The following TAFA1 variants were observed in gnomAD, a reference collection of about 807,000 sequenced individuals.
TAFA1 encodes chemokine-like protein TAFA-1.
A neutral mutation model predicts 18.5 loss-of-function variants in TAFA1; 4 were observed. That is an observed-to-expected ratio of 0.22 (90% CI 0.11 to 0.49). TAFA1 has a LOEUF of 0.49. Ranked by LOEUF, TAFA1 falls within the 20% of genes least tolerant of loss-of-function variation. The pLI is 0.98. For missense variants in TAFA1, 147 were observed against 169.0 expected, an observed-to-expected ratio of 0.87 and a Z score of 0.72; for synonymous variants, 56 against 55.2, an observed-to-expected ratio of 1.01 and a Z score of -0.06.
At chr3:68,467,776 A>G (rs1449611732) in intron 3 of TAFA1, among the ~76,000 whole-genome samples, 1 of 152,196 alleles carries the variant, frequency 6.6e-6, no homozygotes, top group African/African-American at 2.4e-5. Context: ...TTTCAAGGGC[A>G]GGGGGTTCTG....
At chr3:68,016,577 C>T (rs1011110445) in intron 2 of TAFA1, among the ~76,000 whole-genome samples, 3 of 152,148 alleles carry the variant, frequency 2.0e-5, no homozygotes, top group Non-Finnish European at 2.9e-5. Context: ...TAATCTATAT[C>T]ATATAGCCTA....
intron 2 of TAFA1, among the ~76,000 whole-genome samples, chr3:68,035,028 G>T (rs2106661906): frequency 6.6e-6 from 1 of 152,258 alleles, no homozygotes; most frequent in South Asian, 2.1e-4. Flanking sequence ...AGATAGGGCT[G>T]CTCATCCAGT....
intron 3 of TAFA1, among the ~76,000 whole-genome samples, chr3:68,466,017 T>C (rs2071879161): frequency 6.6e-6 from 1 of 152,152 alleles, no homozygotes; most frequent in Non-Finnish European, 1.5e-5. Flanking sequence ...ATTGTTATGG[T>C]AGATGTTATC....
chr3:68,329,966 A>G (rs1002643642), intron 2 of TAFA1, among the ~76,000 whole-genome samples: 1 of 151,578 alleles, frequency 6.6e-6, no homozygotes, highest in Admixed American at 6.6e-5. Context: ...AAATAAATAC[A>G]TAAGTACATG....
chr3:68,295,063 T>G (rs911342657), intron 2 of TAFA1, among the ~76,000 whole-genome samples: 1 of 152,064 alleles, frequency 6.6e-6, no homozygotes, highest in Admixed American at 6.6e-5. Flanking sequence ...CAATTCACTA[T>G]GTTCTCTAAG....
chr3:68,236,908 A>G (rs893305132), intron 2 of TAFA1, among the ~76,000 whole-genome samples: 5 of 152,226 alleles, frequency 3.3e-5, no homozygotes, highest in African/African-American at 1.2e-4. Flanking sequence ...GAGCTCATAA[A>G]ACATGTGCTG....
chr3:68,367,674 T>C (rs2069599637), intron 2 of TAFA1, among the ~76,000 whole-genome samples: 1 of 152,184 alleles, frequency 6.6e-6, no homozygotes. Flanking sequence ...TTTAAAAATC[T>C]AGTCCAACCA....
At chr3:68,159,520 A>AT (rs761869639) in intron 2 of TAFA1, among the ~76,000 whole-genome samples, 25 of 152,034 alleles carry the variant, frequency 1.6e-4, no homozygotes, top group Non-Finnish European at 2.9e-4. Context: ...TTTTTAAATT[A>AT]TTTTTTCTTC....
chr3:68,088,866 G>A (rs1045418277), intron 2 of TAFA1, among the ~76,000 whole-genome samples: 1 of 152,220 alleles, frequency 6.6e-6, no homozygotes. Context: ...AGTCTCACTG[G>A]AGATGGTGAG....
intron 2 of TAFA1, among the ~76,000 whole-genome samples, chr3:68,038,372 A>G (rs1418320432): frequency 5.9e-5 from 9 of 152,174 alleles, no homozygotes; most frequent in Non-Finnish European, 1.2e-4. Flanking sequence ...GTGTAATTTC[A>G]GGGTAACCAA....
At chr3:68,472,005 G>A (rs1383641833) in intron 3 of TAFA1, among the ~76,000 whole-genome samples, 7 of 152,158 alleles carry the variant, frequency 4.6e-5, no homozygotes, top group African/African-American at 1.4e-4. Flanking sequence ...AGTTAATGCT[G>A]AAATGAGCTA....
At chr3:68,438,433 G>A (rs1297020983) in intron 3 of TAFA1, among the ~76,000 whole-genome samples, 1 of 152,088 alleles carries the variant, frequency 6.6e-6, no homozygotes, top group African/African-American at 2.4e-5. Flanking sequence ...AGTTGTGGTT[G>A]GGCCCCCAAG....
chr3:68,260,060 T>A (rs141701370), intron 2 of TAFA1, among the ~76,000 whole-genome samples: 112 of 152,334 alleles, frequency 7.4e-4, no homozygotes, highest in African/African-American at 2.5e-3. Context: ...TTCAATATGA[T>A]GTTGGCTGTG....
chr3:68,333,847 C>A (rs2068923493), intron 2 of TAFA1, among the ~76,000 whole-genome samples: 1 of 152,128 alleles, frequency 6.6e-6, no homozygotes, highest in Non-Finnish European at 1.5e-5. Flanking sequence ...ATTCTGCCAT[C>A]AATTACAACA....
At chr3:68,321,953 C>T (rs1338775665) in intron 2 of TAFA1, among the ~76,000 whole-genome samples, 1 of 152,196 alleles carries the variant, frequency 6.6e-6, no homozygotes, top group Non-Finnish European at 1.5e-5. Flanking sequence ...AAGAAGTTCC[C>T]ATGCATTTCA....
intron 2 of TAFA1, among the ~76,000 whole-genome samples, chr3:68,366,499 A>T (rs1436686525): frequency 1.3e-5 from 2 of 152,214 alleles, no homozygotes; most frequent in Non-Finnish European, 2.9e-5. Flanking sequence ...CTTCTTAAGC[A>T]TATATGTCTG....
Position 68,052,228 on chromosome 3 carries a change from T to C in TAFA1, c.118+45484T>C, listed in dbSNP as rs1004818697. Among the ~76,000 whole-genome samples the C allele has an allele frequency of 5.9e-5, 9 of 152,258 alleles. 1 individual carries two copies. The South Asian group carries it at 1.4e-3, about 25-fold the overall frequency. ...CACCATGACCTCTTCTTTCTCTTATTTTCTAAGTATTGAGATCTTCTCTCA... is the reference window on the plus strand; with the variant it reads ...CACCATGACCTCTTCTTTCTCTTATCTTCTAAGTATTGAGATCTTCTCTCA... On this transcript the variant is annotated intron_variant, in intron 2 of 4. Coordinates refer to ENST00000478136, the MANE Select transcript of TAFA1 (RefSeq NM_213609.4).
intron 3 of TAFA1, among the ~76,000 whole-genome samples, chr3:68,442,645 A>C (rs1272983156): frequency 6.6e-6 from 1 of 152,152 alleles, no homozygotes; most frequent in Admixed American, 6.6e-5. Flanking sequence ...GAGGAAAGGG[A>C]GGAGAAGAAA....
At chr3:68,095,126 T>A (rs894211944) in intron 2 of TAFA1, among the ~76,000 whole-genome samples, 2 of 152,080 alleles carry the variant, frequency 1.3e-5, no homozygotes, top group Non-Finnish European at 2.9e-5. Context: ...TGATTGGCTG[T>A]TTTCCAAAGT....
Sources: gnomAD v4.1 joint callset for allele counts (sites outside exome capture counted in the v4.1 genomes callset) on GRCh38, gnomAD v4.1.1 for gene constraint, MANE v1.5 for transcripts, NCBI Gene and HGNC (gene_info 2026-07-23, HGNC 2026-07-21) for gene names.